The following IL21 variants were observed in gnomAD, a reference collection of about 807,000 sequenced individuals.
IL21 encodes interleukin 21.
In IL21, 3 loss-of-function variants were observed where a neutral mutation model predicts 18.4. The observed-to-expected ratio is 0.16, with a 90% CI of 0.07 to 0.42. The LOEUF (loss-of-function observed/expected upper bound fraction) is 0.42. Among genes scored for constraint, IL21 ranks in the 10% least tolerant of loss-of-function variants. The pLI is 0.99. For synonymous variants in IL21, 37 were observed against 62.0 expected, an observed-to-expected ratio of 0.60 and a Z score of 1.90; for missense variants, 130 against 188.4, an observed-to-expected ratio of 0.69 and a Z score of 1.81.
chr4:122,614,183 A>G (rs1292342774), intron 3 of IL21, among the ~76,000 whole-genome samples: 1 of 151,012 alleles, frequency 6.6e-6, no homozygotes, highest in Non-Finnish European at 1.5e-5. Flanking sequence ...TTCCTCATCT[A>G]TAAGATGAAC....
At chr4:122,614,541 T>A (rs536975064) in intron 3 of IL21, among the ~76,000 whole-genome samples, 43 of 151,952 alleles carry the variant, frequency 2.8e-4, no homozygotes, top group Non-Finnish European at 5.4e-4. Flanking sequence ...ACCCCGGCAC[T>A]ACTAAAAATA....
Position 122,610,498 on chromosome 4 carries a change from CAGT to C in IL21, c.*2209_*2211del, listed in dbSNP as rs1799250953. Among the ~76,000 whole-genome samples, 1 of 152,000 alleles carries C rather than the reference CAGT, an allele frequency of 6.6e-6. No homozygotes were observed. Among genetic ancestry groups the C allele is most frequent in the Admixed American group, 6.6e-5 (1 of 15,238 alleles). The stretch of plus-strand genomic sequence containing the variant: ...ATACTGAGCAACTGAACATCAGACT[CAGT>C]AGAAAGTTTTACTCAGAAGTATGAT... On this transcript the variant is annotated 3_prime_UTR_variant, in exon 5 of 5. Transcript: ENST00000648588.
At chr4:122,615,864 G>T (rs757721339) in intron 2 of IL21, 27 bp from the exon 3 acceptor site, 4 of 1,567,676 alleles carry the variant, frequency 2.6e-6, no homozygotes, top group Middle Eastern at 2.2e-4. Flanking sequence ...TTGTATATAT[G>T]TTAACAAACA....
In IL21 at chr4:122,610,665, A is replaced by G. The variant is rs1029429628; in HGVS notation, c.*2045T>C. Among the ~76,000 whole-genome samples the G allele has an allele frequency of 6.6e-6, 1 of 152,250 alleles. No homozygotes were observed. The highest frequency in any genetic ancestry group is 6.5e-5 in the Admixed American group (1 of 15,288). On this transcript the variant is annotated 3_prime_UTR_variant, in exon 5 of 5. Coordinates refer to ENST00000648588, the MANE Select transcript of IL21 (RefSeq NM_021803.4). ...AGAAATGGAAACCCAAAGAGTTTAA[A>G]CAGTGACCACTATTTCATAGTCAAC...
At chr4:122,617,844 C>T (rs778386448) in intron 2 of IL21, among the ~76,000 whole-genome samples, 10 of 152,138 alleles carry the variant, frequency 6.6e-5, no homozygotes, top group Admixed American at 6.5e-5. Context: ...ACATCAAAGG[C>T]AGCCTCAAAA....
intron 3 of IL21, among the ~76,000 whole-genome samples, chr4:122,614,535 C>T (rs1372940049): frequency 4.6e-5 from 7 of 151,746 alleles, no homozygotes; most frequent in Non-Finnish European, 4.4e-5. Context: ...GGTGAAACCC[C>T]GGCACTACTA....
At chr4:122,613,405 G>A (rs1243195201) in intron 3 of IL21, among the ~76,000 whole-genome samples, 2 of 142,408 alleles carry the variant, frequency 1.4e-5, no homozygotes, top group East Asian at 2.1e-4. Flanking sequence ...AGGCTGGAGT[G>A]CAGTGGCGCG....
intron 2 of IL21, among the ~76,000 whole-genome samples, chr4:122,616,956 G>C (rs1043088450): frequency 7.9e-5 from 12 of 152,070 alleles, no homozygotes; most frequent in Non-Finnish European, 1.8e-4. Flanking sequence ...CCCTACAAAG[G>C]CAGGCCTATA....
rs1335039759 is a variant in IL21, at chr4:122,620,773, T to G, written c.169-37A>C. The G allele has an allele frequency of 3.1e-6, 5 of 1,612,572 alleles. No homozygotes were observed. In the Admixed American group the frequency reaches 8.4e-5, roughly 27 times the overall value. On this transcript the variant is annotated intron_variant, in intron 1 of 4. Transcript: ENST00000648588. ...GAAAATTTGTTCTGAGTTATTTTTA[T>G]AAGCCAAACCCTCCTTTTATATTAA...
chr4:122,618,804 CAAAAAAAAAAAAAA>C (rs1158779760), intron 2 of IL21, among the ~76,000 whole-genome samples: 2 of 32,588 alleles, frequency 6.1e-5, no homozygotes, highest in African/African-American at 1.1e-4. Flanking sequence ...GACTCCGTCT[CAAAAAAAAAAAAAA>C]AAAAAAAAAA....
chr4:122,615,379 G>T (rs1799322167), intron 3 of IL21, among the ~76,000 whole-genome samples: 1 of 152,104 alleles, frequency 6.6e-6, no homozygotes, highest in Non-Finnish European at 1.5e-5. Flanking sequence ...AACAAAATTA[G>T]CCGGGCATGG....
intron 2 of IL21, chr4:122,619,347 A>C (rs1025195436): frequency 2.0e-5 from 3 of 152,216 alleles, no homozygotes; most frequent in Non-Finnish European, 4.4e-5. Context: ...ACTCACTTAT[A>C]TCATAGCCAG....
chr4:122,621,034 C>A lies in IL21; in HGVS notation c.-23G>T. The stretch of plus-strand genomic sequence containing the variant: ...CATAAGTACCAACAGTAGAGCTAGA[C>A]CTTGGTCTCGTTTTCACTTCAGCTT... On this transcript the variant is annotated 5_prime_UTR_variant, in exon 1 of 5. Transcript: ENST00000648588. The A allele has an allele frequency of 6.2e-7, 1 of 1,604,262 alleles. No individual in the cohort carries two copies. Among genetic ancestry groups the A allele is most frequent in the African/African-American group, 1.3e-5 (1 of 74,766 alleles).
Position 122,612,741 on chromosome 4 carries a change from G to GACATCAGC in IL21, c.457_458insGCTGATGT (p.Ser153CysfsTer2). On this transcript the variant is annotated stop_gained and frameshift_variant, in exon 5 of 5. Coordinates refer to ENST00000648588, the MANE Select transcript of IL21 (RefSeq NM_021803.4). LOFTEE classifies it high-confidence loss of function. ...ATCTTCACTTCCGTGTGTTCTAGAGGACAGATGCTGATGAATCATCTGTGG... is the reference window on the plus strand; with the variant it reads ...ATCTTCACTTCCGTGTGTTCTAGAGGACATCAGCACAGATGCTGATGAATCATCTGTGG... 1 of 1,613,026 alleles carries GACATCAGC rather than the reference G, an allele frequency of 6.2e-7. No individual in the cohort carries two copies. Among genetic ancestry groups the GACATCAGC allele is most frequent in the Non-Finnish European group, 8.5e-7 (1 of 1,179,272 alleles).
rs764176600 is a variant in IL21 at position 122,612,799 on chromosome 4, T to C, written c.439-39A>G. Reference sequence around the variant, plus strand: ...ATACCGTGAGTAACTAAGAAGCAAATCTGGATAGGTAAAGATAAAGCAGAA... The same window carrying C: ...ATACCGTGAGTAACTAAGAAGCAAACCTGGATAGGTAAAGATAAAGCAGAA... On this transcript the variant is annotated intron_variant, in intron 4 of 4. Coordinates refer to ENST00000648588, the MANE Select transcript of IL21 (RefSeq NM_021803.4). 25 of 1,613,012 alleles carry C rather than the reference T, an allele frequency of 1.5e-5. No individual in the cohort carries two copies. In the South Asian group the frequency reaches 2.6e-4, roughly 17 times the overall value.
intron 2 of IL21, among the ~76,000 whole-genome samples, chr4:122,616,724 G>C (rs576446875): frequency 6.6e-6 from 1 of 152,260 alleles, no homozygotes; most frequent in Admixed American, 6.5e-5. Flanking sequence ...AAACTGGAAA[G>C]GAAATGGAAT....
At chr4:122,618,830 A>C (rs1799381100) in intron 2 of IL21, among the ~76,000 whole-genome samples, 1 of 151,500 alleles carries the variant, frequency 6.6e-6, no homozygotes, top group South Asian at 2.1e-4. Flanking sequence ...AAAAAAAAAA[A>C]AGGATTACCT....
In IL21 at chr4:122,610,377, T is replaced by C. The variant is rs556633537; in HGVS notation, c.*2333A>G. On this transcript the variant is annotated 3_prime_UTR_variant, in exon 5 of 5. Coordinates refer to ENST00000648588, the MANE Select transcript of IL21 (RefSeq NM_021803.4). The stretch of plus-strand genomic sequence containing the variant: ...CCTGAACTCTCATGACCTATAATAA[T>C]GTTTCCTTTTCTCCCCTCCTTCCTT... Among the ~76,000 whole-genome samples, 3 of 152,280 alleles carry C rather than the reference T, an allele frequency of 2.0e-5. No homozygotes were observed. The highest frequency in any genetic ancestry group is 4.4e-5 in the Non-Finnish European group (3 of 68,022).
chr4:122,616,002 A>G (rs577758001), intron 2 of IL21, among the ~76,000 whole-genome samples, 165 bp from the exon 3 acceptor site: 1 of 152,360 alleles, frequency 6.6e-6, no homozygotes, highest in East Asian at 1.9e-4. Context: ...TTGGGATGGG[A>G]AAAAGGGACA....
Sources: gnomAD v4.1 joint callset for allele counts (sites outside exome capture counted in the v4.1 genomes callset) on GRCh38, gnomAD v4.1.1 for gene constraint, MANE v1.5 for transcripts, NCBI Gene and HGNC (gene_info 2026-07-23, HGNC 2026-07-21) for gene names.